The following NUMA1 variants were observed in gnomAD, a reference collection of about 807,000 sequenced individuals.
NUMA1 encodes nuclear mitotic apparatus protein 1.
Under a neutral mutation model 237.1 loss-of-function variants are expected in NUMA1, and 62 were observed. The observed-to-expected ratio is 0.26, with a 90% CI of 0.21 to 0.32. The LOEUF (loss-of-function observed/expected upper bound fraction) is 0.32. Among genes scored for constraint, NUMA1 ranks in the 10% least tolerant of loss-of-function variants. The pLI is 1.00. For synonymous variants in NUMA1, 1,028 were observed against 1,066.1 expected (o/e 0.96, Z 0.70); for missense variants, 2,533 against 2,666.5 (o/e 0.95, Z 1.10).
rs572878098 is a variant in NUMA1 at position 72,048,603 on chromosome 11, C to T, written c.-32-12628G>A. Among the ~76,000 whole-genome samples the T allele has an allele frequency of 1.6e-4, 25 of 152,204 alleles. No homozygotes were observed. In the South Asian group the frequency reaches 5.0e-3, roughly 30 times the overall value. Reference sequence around the variant, plus strand: ...GGCCAGGCTGGGCTTGAACTCCTTACCTCAGGTGATCCACCTGCCTGGGCC... The same window carrying T: ...GGCCAGGCTGGGCTTGAACTCCTTATCTCAGGTGATCCACCTGCCTGGGCC... On this transcript the variant is annotated intron_variant, in intron 2 of 26. Transcript: ENST00000393695.
intron 4 of NUMA1, among the ~76,000 whole-genome samples, chr11:72,027,110 CTT>C (rs975884543): frequency 2.0e-5 from 3 of 152,180 alleles, no homozygotes; most frequent in African/African-American, 7.2e-5. Flanking sequence ...ATCTACTGCT[CTT>C]GTCACCAGGC....
rs770425635 is a variant in NUMA1 at position 72,014,052 on chromosome 11, C to T, written c.3451G>A (p.Glu1151Lys). 9.9e-6 allele frequency: 16 copies of T among 1,610,772 alleles called. No individual in the cohort carries two copies. In the East Asian group the frequency reaches 1.6e-4, roughly 16 times the overall value. ...EQADSLERSL[E>K]AERASRAERD... is the part of the protein sequence containing the mutation. ...TCAGCCCGGGAGGCCCGCTCAGCCT[C>T]GAGGCTGCGTTCCAGGCTGTCAGCC... The change falls in exon 15 of 27, where the codon GAG becomes AAG. Residue 1151 changes from glutamate (E) to lysine (K), a missense_variant. By Grantham distance (56) the Glu-to-Lys change is moderately conservative (BLOSUM62 1). This residue lies in a region of NUMA1 where 1,414 missense variants were observed against 1,508.1 expected (regional missense o/e 0.94). Transcript: ENST00000393695. The surrounding 1 kb of genome is among the most constrained non-coding windows in gnomAD (Gnocchi z 4.6).
At chr11:72,065,383 T>TA (rs1455777118) in intron 2 of NUMA1, 1 of 152,108 alleles carries the variant, frequency 6.6e-6, no homozygotes, top group Non-Finnish European at 1.5e-5. Flanking sequence ...TCCTATATGA[T>TA]AGACTATTAT....
At chr11:72,023,204 TC>T in intron 5 of NUMA1, 57 bp from the exon 6 acceptor site, 1 of 1,271,520 alleles carries the variant, frequency 7.9e-7, no homozygotes, top group Non-Finnish European at 1.1e-6. Context: ...ATACCTGAGA[TC>T]CCAGAACACT....
In NUMA1 at chr11:72,015,992, G is replaced by C; in HGVS notation, c.1511C>G (p.Thr504Ser). 6.2e-7 allele frequency: 1 copy of C among 1,614,022 alleles called. No homozygotes were observed. The highest frequency in any genetic ancestry group is 1.1e-5 in the South Asian group (1 of 91,070). The change falls in exon 15 of 27, where the codon ACC becomes AGC. Residue 504 changes from threonine to serine, a missense_variant. This residue lies in a region of NUMA1 where 1,414 missense variants were observed against 1,508.1 expected (regional missense o/e 0.94). Coordinates refer to ENST00000393695, the MANE Select transcript of NUMA1 (RefSeq NM_006185.4). The surrounding 1 kb of genome is among the most constrained non-coding windows in gnomAD (Gnocchi z 4.0). ...ARLTAQVASLTSELTTLNATI... is the reference protein window; with the variant it reads ...ARLTAQVASLSSELTTLNATI... ...GGCATTGAGTGTGGTGAGCTCAGAG[G>C]TCAGAGAGGCCACCTGGGCAGTCAA...
chr11:72,070,764 G>A (rs112782314), intron 1 of NUMA1, among the ~76,000 whole-genome samples: 4 of 152,272 alleles, frequency 2.6e-5, no homozygotes, highest in African/African-American at 7.2e-5. Flanking sequence ...GCGAAACCAC[G>A]TATCCAAACA....
In NUMA1 at chr11:72,015,249, G is replaced by C. The variant is rs367866725; in HGVS notation, c.2254C>G (p.Arg752Gly). 1 of 1,613,502 alleles carries C rather than the reference G, an allele frequency of 6.2e-7. No homozygotes were observed. The highest frequency in any genetic ancestry group is 2.2e-5 in the East Asian group (1 of 44,876). Residue 752 changes from arginine to glycine, a missense_variant, in exon 15 of 27, where the codon CGG becomes GGG. Coordinates refer to ENST00000393695, the MANE Select transcript of NUMA1 (RefSeq NM_006185.4). The surrounding 1 kb of genome is among the most constrained non-coding windows in gnomAD (Gnocchi z 4.0). ...TCTTCTTCCAGCTCCTTTCGTTCCC[G>C]CTTATGCTGCTCCACCAGGCTTCGG... ...ETRSLVEQHK[R>G]ERKELEEERA...
Position 72,022,058 on chromosome 11 carries a change from G to A in NUMA1, c.372+281C>T, listed in dbSNP as rs548605159. 6.6e-5 allele frequency: 16 copies of A among 241,126 alleles called. No individual in the cohort carries two copies. In the South Asian group the frequency reaches 9.8e-4, roughly 15 times the overall value. 14.9% of individuals were successfully genotyped at this position (241,126 alleles called of 1,614,324 possible). ...TATAGGAACAGAGAATAATTTCTACGTATTATCCTAAAACACATTACAGTT... is the reference window on the plus strand; with the variant it reads ...TATAGGAACAGAGAATAATTTCTACATATTATCCTAAAACACATTACAGTT... On this transcript the variant is annotated intron_variant, in intron 7 of 26. Coordinates refer to ENST00000393695, the MANE Select transcript of NUMA1 (RefSeq NM_006185.4).
intron 1 of NUMA1, among the ~76,000 whole-genome samples, chr11:72,075,863 G>A (rs1022714418): frequency 8.5e-5 from 13 of 152,174 alleles, no homozygotes; most frequent in Admixed American, 3.9e-4. Flanking sequence ...GCGAGCTGAT[G>A]ACATAGCTGT....
intron 4 of NUMA1, among the ~76,000 whole-genome samples, chr11:72,025,436 C>CCTGG (rs147294694): frequency 0.019 from 2,888 of 152,146 alleles, 107 homozygotes; most frequent in African/African-American, 0.066. Context: ...AATACTAGTC[C>CCTGG]CTGGGATCCT....
chr11:72,012,464 C>T (rs1260200404), intron 15 of NUMA1, 22 bp from the exon 16 acceptor site: 31 of 1,610,266 alleles, frequency 1.9e-5, no homozygotes, highest in Non-Finnish European at 2.6e-5. Context: ...GGAGGAGCAA[C>T]AGAGACAGAG....
At chr11:72,022,220 A>G (rs1343664581) in intron 7 of NUMA1, 119 bp downstream of exon 7, 2 of 597,546 alleles carry the variant, frequency 3.3e-6, no homozygotes, top group Non-Finnish European at 5.9e-6. Context: ...GATGAATGGC[A>G]ATAATTGCTA....
rs572646079 is a variant in NUMA1 at position 72,070,579 on chromosome 11, G to A, written c.-102-668C>T. On this transcript the variant is annotated intron_variant, in intron 1 of 26. Transcript: ENST00000393695. Reference sequence around the variant, plus strand: ...TCCCAGCACTTTGGGAAGCCAAGGTGGGCAGATCGCTTGAGCTCAGGAGTT... The same window carrying A: ...TCCCAGCACTTTGGGAAGCCAAGGTAGGCAGATCGCTTGAGCTCAGGAGTT... Among the ~76,000 whole-genome samples, 6 of 152,270 alleles carry A rather than the reference G, an allele frequency of 3.9e-5. No homozygotes were observed. The East Asian group carries it at 1.2e-3, about 29-fold the overall frequency.
intron 1 of NUMA1, among the ~76,000 whole-genome samples, chr11:72,075,356 T>C (rs955123991): frequency 1.3e-5 from 2 of 152,218 alleles, no homozygotes; most frequent in African/African-American, 2.4e-5. Context: ...CTCCTTCTTG[T>C]AGCCTGGTGT....
chr11:72,073,125 G>A (rs1013265879), intron 1 of NUMA1, among the ~76,000 whole-genome samples: 13 of 143,690 alleles, frequency 9.0e-5, no homozygotes, highest in African/African-American at 1.5e-4. Flanking sequence ...TTGCGAGGCC[G>A]AGGCAGGAGG....
Position 72,013,141 on chromosome 11 carries a change from C to G in NUMA1, c.4362G>C (p.Leu1454=). The G allele has an allele frequency of 3.7e-6, 6 of 1,614,140 alleles. No individual in the cohort carries two copies. The highest frequency in any genetic ancestry group is 5.1e-6 in the Non-Finnish European group (6 of 1,180,046). ...HGLLAEENRG[L]GERANLGRQF... ...GCCGGCCAAGGTTGGCCCGCTCACCCAGCCCCCGGTTCTCCTCTGCCAGCA... is the reference window on the plus strand; with the variant it reads ...GCCGGCCAAGGTTGGCCCGCTCACCGAGCCCCCGGTTCTCCTCTGCCAGCA... Residue 1454 remains leucine, a synonymous_variant, in exon 15 of 27, where the codon CTG becomes CTC. Coordinates refer to ENST00000393695, the MANE Select transcript of NUMA1 (RefSeq NM_006185.4). This position sits in a 1 kb window ranked among gnomAD's most constrained non-coding sequence, Gnocchi z 6.8.
intron 3 of NUMA1, among the ~76,000 whole-genome samples, chr11:72,034,723 T>G (rs1940801829): frequency 6.6e-6 from 1 of 151,742 alleles, no homozygotes; most frequent in South Asian, 2.1e-4. Context: ...AAAAAGATAC[T>G]GAAGATACTG....
intron 24 of NUMA1, 45 bp downstream of exon 24, chr11:72,004,595 C>T: frequency 6.3e-7 from 1 of 1,587,338 alleles, no homozygotes; most frequent in Non-Finnish European, 8.6e-7. Flanking sequence ...CTGGGCCTGA[C>T]CTGAGCACAG....
intron 5 of NUMA1, among the ~76,000 whole-genome samples, chr11:72,023,567 G>T (rs924889888): frequency 3.3e-5 from 5 of 152,134 alleles, no homozygotes; most frequent in African/African-American, 9.7e-5. Context: ...ACTGCCCGAG[G>T]GTCTGGGCTC....
Sources: allele counts gnomAD v4.1 joint callset (sites outside exome capture counted in the v4.1 genomes callset), GRCh38; gene constraint gnomAD v4.1.1; regional missense constraint gnomAD v4.1.1; non-coding constraint Gnocchi (gnomAD v3.1); transcripts MANE v1.5; gene names NCBI Gene and HGNC (gene_info 2026-07-23, HGNC 2026-07-21).